WWP1: variants seen among roughly 807,000 people sequenced by gnomAD.
The protein encoded by WWP1 is NEDD4-like E3 ubiquitin-protein ligase WWP1.
Under a neutral mutation model 130.6 loss-of-function variants are expected in WWP1, and 49 were observed. That is an observed-to-expected ratio of 0.38 (90% CI 0.30 to 0.48). The LOEUF (loss-of-function observed/expected upper bound fraction) is 0.48. WWP1 is among the 20% of genes least tolerant of loss of function. The probability of loss-of-function intolerance (pLI) is 0.99; values close to 1 mark genes in which losing one functional copy is unlikely to be tolerated. For synonymous variants in WWP1, 332 were observed against 367.8 expected, an observed-to-expected ratio of 0.90 and a Z score of 1.11; for missense variants, 809 against 1,100.6, an observed-to-expected ratio of 0.74 and a Z score of 3.75.
chr8:86,398,685 AT>A (rs1563496849), intron 7 of WWP1, 47 bp downstream of exon 7: 1 of 1,585,150 alleles, frequency 6.3e-7, no homozygotes, highest in East Asian at 2.2e-5. Flanking sequence ...TGTGGAACAT[AT>A]TTCCTGAATA....
intron 11 of WWP1, among the ~76,000 whole-genome samples, chr8:86,430,443 G>C (rs1415957722): frequency 6.6e-6 from 1 of 151,630 alleles, no homozygotes; most frequent in Non-Finnish European, 1.5e-5. Context: ...AACACATCTG[G>C]CTAATTAAAA....
chr8:86,429,446 T>A (rs1809816182), intron 11 of WWP1, among the ~76,000 whole-genome samples: 1 of 152,232 alleles, frequency 6.6e-6, no homozygotes, highest in Admixed American at 6.5e-5. Context: ...TCAAGATGCA[T>A]ATACTTTAAG....
chr8:86,458,016 G>A lies in WWP1; in HGVS notation c.2490G>A (p.Trp830Ter). ...HYTRNSKQII[W>*]FWQFVKETDN... ...CAAGAAACAGCAAGCAAATCATTTG[G>A]TTTTGGCAGGTATTTGCTTTTATCT... The change falls in exon 22 of 25, where the codon TGG (tryptophan) becomes TGA (stop). Residue 830 changes from tryptophan to a stop codon, truncating the protein, a stop_gained. Transcript: ENST00000517970. LOFTEE classifies it high-confidence loss of function. 2 of 1,610,694 alleles carry A rather than the reference G, an allele frequency of 1.2e-6. No homozygotes were observed. The highest frequency in any genetic ancestry group is 1.7e-6 in the Non-Finnish European group (2 of 1,177,526).
intron 2 of WWP1, among the ~76,000 whole-genome samples, chr8:86,370,637 A>G (rs2130286066): frequency 6.6e-6 from 1 of 152,264 alleles, no homozygotes; most frequent in African/African-American, 2.4e-5. Context: ...AATGAATAAC[A>G]AAAGATGAGG....
chr8:86,439,677 T>C (rs1232772532), intron 17 of WWP1, among the ~76,000 whole-genome samples: 1 of 152,232 alleles, frequency 6.6e-6, no homozygotes, highest in Non-Finnish European at 1.5e-5. Context: ...CTACATTCAC[T>C]AAATATATTG....
intron 1 of WWP1, among the ~76,000 whole-genome samples, chr8:86,346,812 T>A (rs934274784): frequency 6.6e-6 from 1 of 152,184 alleles, no homozygotes; most frequent in African/African-American, 2.4e-5. Context: ...TTACTAATAC[T>A]TAATGGAGGA....
chr8:86,351,045 C>T (rs1822890871), intron 1 of WWP1, among the ~76,000 whole-genome samples: 1 of 152,128 alleles, frequency 6.6e-6, no homozygotes, highest in South Asian at 2.1e-4. Context: ...GTCAGGCAGA[C>T]CTGACTTCTG....
intron 5 of WWP1, among the ~76,000 whole-genome samples, chr8:86,396,993 G>T (rs1269113819): frequency 6.6e-6 from 1 of 152,162 alleles, no homozygotes; most frequent in African/African-American, 2.4e-5. Flanking sequence ...CTCCCAAAGT[G>T]CTGGGGTTAC....
chr8:86,349,839 C>T (rs374036882), intron 1 of WWP1, among the ~76,000 whole-genome samples: 2 of 151,666 alleles, frequency 1.3e-5, no homozygotes, highest in East Asian at 1.9e-4. Context: ...TACCCGATCT[C>T]GTGAATTGGA....
intron 5 of WWP1, among the ~76,000 whole-genome samples, chr8:86,384,493 A>G (rs1443304520): frequency 6.6e-6 from 1 of 152,164 alleles, no homozygotes; most frequent in East Asian, 1.9e-4. Flanking sequence ...AAGTTTTCTG[A>G]TTCTTAGCTG....
Position 86,438,573 on chromosome 8 carries a change from G to A in WWP1, c.1750-12G>A. On this transcript the variant is annotated splice_polypyrimidine_tract_variant and intron_variant, in intron 16 of 24. Transcript: ENST00000517970. ...GTGAGTATTTAATATTCATGTTTTT[G>A]TTTTTAATTAGATTATGGCATTAAA... 1 of 1,577,254 alleles carries A rather than the reference G, an allele frequency of 6.3e-7. No individual in the cohort carries two copies. Among genetic ancestry groups the A allele is most frequent in the Non-Finnish European group, 8.6e-7 (1 of 1,167,200 alleles).
chr8:86,430,813 A>G (rs62510797), intron 12 of WWP1, 62 bp downstream of exon 12: 5 of 654,854 alleles, frequency 7.6e-6, no homozygotes, highest in Non-Finnish European at 1.1e-5. Context: ...ATATATATAT[A>G]TATATATATA....
At chr8:86,369,454 T>C (rs1824159556) in intron 2 of WWP1, among the ~76,000 whole-genome samples, 1 of 152,120 alleles carries the variant, frequency 6.6e-6, no homozygotes, top group Non-Finnish European at 1.5e-5. Flanking sequence ...GATTGGGTGA[T>C]ATGAAAGGGT....
Position 86,354,428 on chromosome 8 carries a change from A to G in WWP1, c.-115+11498A>G, listed in dbSNP as rs1823138107. ...ACATCAGGTCAGATTTTGTTGCTAA[A>G]TGAACTTTCAGTTTTTTTTTTAGCT... On this transcript the variant is annotated intron_variant, in intron 1 of 24. Transcript: ENST00000517970. Among the ~76,000 whole-genome samples, 3 of 152,188 alleles carry G rather than the reference A, an allele frequency of 2.0e-5. No homozygotes were observed. In the South Asian group the frequency reaches 6.2e-4, roughly 31 times the overall value.
rs902195440 is a variant in WWP1, at chr8:86,398,477, C to T, written c.470C>T (p.Thr157Ile). 3.7e-6 allele frequency: 6 copies of T among 1,611,824 alleles called. No individual in the cohort carries two copies. Among genetic ancestry groups the T allele is most frequent in the African/African-American group, 2.7e-5 (2 of 74,814 alleles). Residue 157 changes from threonine (T) to isoleucine (I), a missense_variant and splice_region_variant, in exon 6 of 25, where the codon ACC becomes ATC. Physicochemically the swap from Thr to Ile is moderately conservative, Grantham distance 89. Coordinates refer to ENST00000517970, the MANE Select transcript of WWP1 (RefSeq NM_007013.4). Reference protein sequence around the residue: ...ENITNCSSSPTIEIQENGDAL... With the variant: ...ENITNCSSSPIIEIQENGDAL... ...ATAACAAACTGCAGCTCATCTCCAA[C>T]CAGTAAGCTAACTTTATATGTTTGT...
chr8:86,401,960 C>A (rs1248688032), intron 7 of WWP1, 59 bp from the exon 8 acceptor site: 47 of 1,371,884 alleles, frequency 3.4e-5, no homozygotes, highest in Non-Finnish European at 4.0e-5. Context: ...TATGAAAATT[C>A]TCATGAAATG....
intron 5 of WWP1, among the ~76,000 whole-genome samples, chr8:86,386,005 A>T (rs1825261580): frequency 6.6e-6 from 1 of 152,174 alleles, no homozygotes; most frequent in East Asian, 1.9e-4. Context: ...TTTGAAAATC[A>T]CTTTTCTATA....
intron 18 of WWP1, among the ~76,000 whole-genome samples, chr8:86,443,752 T>G (rs1229170566): frequency 1.3e-5 from 2 of 152,166 alleles, no homozygotes; most frequent in East Asian, 3.9e-4. Context: ...GAACAGAAAT[T>G]GAAGAAAGCT....
At chr8:86,398,018 G>A (rs186542622) in intron 5 of WWP1, among the ~76,000 whole-genome samples, 9 of 152,286 alleles carry the variant, frequency 5.9e-5, no homozygotes, top group Admixed American at 5.2e-4. Context: ...TCTGACTCTT[G>A]TGCAGAAATT....
Sources: allele counts gnomAD v4.1 joint callset (sites outside exome capture counted in the v4.1 genomes callset), GRCh38; gene constraint gnomAD v4.1.1; transcripts MANE v1.5; gene names NCBI Gene and HGNC (gene_info 2026-07-23, HGNC 2026-07-21).